GLIS1: variants seen among roughly 807,000 people sequenced by gnomAD.
GLIS1 encodes zinc finger protein GLIS1.
GLIS1 carries 24 observed loss-of-function variants against 63.8 expected under a neutral mutation model. The observed-to-expected ratio is 0.38, with a 90% CI of 0.27 to 0.53. The LOEUF (loss-of-function observed/expected upper bound fraction) is 0.53, where lower values mean the gene tolerates loss of function less well. Among genes scored for constraint, GLIS1 ranks in the 20% least tolerant of loss-of-function variants. The pLI is 0.85. For synonymous variants in GLIS1, 450 were observed against 482.5 expected (o/e 0.93, Z 0.88); for missense variants, 1,036 against 1,074.1 (o/e 0.96, Z 0.50).
chr1:53,731,503 G>C (rs536672040), intron 2 of GLIS1, among the ~76,000 whole-genome samples: 1 of 152,318 alleles, frequency 6.6e-6, no homozygotes, highest in African/African-American at 2.4e-5. Context: ...TTAAGAAGCT[G>C]GTCCTGGAGA....
chr1:53,709,414 A>ATATATATT (rs1570086674), intron 2 of GLIS1, among the ~76,000 whole-genome samples: 1 of 17,144 alleles, frequency 5.8e-5, no homozygotes, highest in Non-Finnish European at 2.6e-4. Context: ...ATATATATAC[A>ATATATATT]CACACACACA....
chr1:53,726,038 T>C (rs951050232), intron 2 of GLIS1, among the ~76,000 whole-genome samples: 1 of 152,082 alleles, frequency 6.6e-6, no homozygotes, highest in African/African-American at 2.4e-5. Flanking sequence ...CACAGTTTCA[T>C]GGGGAAGGGA....
In GLIS1 at chr1:53,639,234, C is replaced by A. The variant is rs1434787991; in HGVS notation, c.260-38956G>T. ...ACCCACATGACACTGGCCACACTCT[C>A]CAGCATTACACTAAGGGAGCTGCGG... On this transcript the variant is annotated intron_variant, in intron 2 of 10. Transcript: ENST00000628545. This position sits in a 1 kb window ranked among gnomAD's most constrained non-coding sequence, Gnocchi z 4.6. Among the ~76,000 whole-genome samples the A allele has an allele frequency of 6.6e-6, 1 of 152,166 alleles. No homozygotes were observed.
At chr1:53,653,884 G>A (rs1214904063) in intron 2 of GLIS1, among the ~76,000 whole-genome samples, 1 of 152,230 alleles carries the variant, frequency 6.6e-6, no homozygotes, top group Non-Finnish European at 1.5e-5. Context: ...AGTGGGTGAG[G>A]AGGAAGAAGT....
chr1:53,617,094 C>T (rs567131391), intron 2 of GLIS1, among the ~76,000 whole-genome samples: 4 of 152,220 alleles, frequency 2.6e-5, no homozygotes, highest in Middle Eastern at 3.4e-3. Context: ...TCAGCCTGCA[C>T]GCTCAGCCCG....
chr1:53,706,997 A>G (rs1463332420), intron 2 of GLIS1, among the ~76,000 whole-genome samples: 2 of 152,226 alleles, frequency 1.3e-5, no homozygotes, highest in Non-Finnish European at 2.9e-5. Flanking sequence ...GATTTCTCCT[A>G]TGCAGAAAGA....
Position 53,710,823 on chromosome 1 carries a change from G to A in GLIS1, c.259+26983C>T, listed in dbSNP as rs547965604. On this transcript the variant is annotated intron_variant, in intron 2 of 10. Coordinates refer to ENST00000628545, the MANE Select transcript of GLIS1 (RefSeq NM_001367484.1). ...AAGCCAGTGCCAGGCACCCTCCCACGCATGTGAATGTTCCTAAACAGAGTA... is the reference window on the plus strand; with the variant it reads ...AAGCCAGTGCCAGGCACCCTCCCACACATGTGAATGTTCCTAAACAGAGTA... 9.2e-5 allele frequency among the ~76,000 whole-genome samples: 14 copies of A among 152,292 alleles called. No homozygotes were observed. In the South Asian group the frequency reaches 2.1e-3, roughly 23 times the overall value.
chr1:53,597,205 A>C lies in GLIS1; in HGVS notation c.438-2215T>G, dbSNP rs944295954. 2.3e-4 allele frequency among the ~76,000 whole-genome samples: 34 copies of C among 147,370 alleles called. No individual in the cohort carries two copies. In the East Asian group the frequency reaches 5.1e-3, roughly 22 times the overall value. ...AAAAAAAAAAAAAAAAAAAAAAAAA[A>C]AAAAAACACTACAAAAAATTAGCCG... On this transcript the variant is annotated intron_variant, in intron 3 of 10. Coordinates refer to ENST00000628545, the MANE Select transcript of GLIS1 (RefSeq NM_001367484.1).
chr1:53,508,987 C>G, intron 10 of GLIS1, 133 bp downstream of exon 10: 2 of 874,484 alleles, frequency 2.3e-6, no homozygotes, highest in Non-Finnish European at 3.4e-6. Context: ...GCCTCTACTT[C>G]CCCCTCTGTA....
intron 4 of GLIS1, among the ~76,000 whole-genome samples, chr1:53,535,657 C>T (rs1248280799): frequency 6.6e-6 from 1 of 152,022 alleles, no homozygotes; most frequent in Non-Finnish European, 1.5e-5. Flanking sequence ...CCAGGTCTGC[C>T]CCCTTCTCTT....
At chr1:53,682,206 C>T (rs980352564) in intron 2 of GLIS1, among the ~76,000 whole-genome samples, 2 of 152,228 alleles carry the variant, frequency 1.3e-5, no homozygotes, top group African/African-American at 2.4e-5. Context: ...CACCGGACTC[C>T]GACTCCAACT....
At chr1:53,562,840 T>G (rs1321397448) in intron 4 of GLIS1, among the ~76,000 whole-genome samples, 1 of 152,184 alleles carries the variant, frequency 6.6e-6, no homozygotes, top group Non-Finnish European at 1.5e-5. Context: ...CCGTGAAAGA[T>G]CATCATCTAG....
intron 2 of GLIS1, among the ~76,000 whole-genome samples, chr1:53,637,755 T>C (rs1275567227): frequency 1.3e-5 from 2 of 152,092 alleles, no homozygotes; most frequent in Non-Finnish European, 2.9e-5. Flanking sequence ...ACTGTACCAT[T>C]GTGGGGAAAT....
intron 2 of GLIS1, among the ~76,000 whole-genome samples, chr1:53,647,975 C>T (rs533687568): frequency 9.1e-4 from 139 of 152,130 alleles, no homozygotes; most frequent in African/African-American, 3.3e-3. Flanking sequence ...AGTTCAAGAC[C>T]AATCTGGTCA....
intron 4 of GLIS1, among the ~76,000 whole-genome samples, chr1:53,531,612 C>T (rs962321905): frequency 2.6e-5 from 4 of 152,218 alleles, no homozygotes; most frequent in Admixed American, 1.3e-4. Context: ...AGAACTCAGA[C>T]ATGGGTCCTG....
At chr1:53,692,268 C>A (rs1646413569) in intron 2 of GLIS1, among the ~76,000 whole-genome samples, 1 of 152,216 alleles carries the variant, frequency 6.6e-6, no homozygotes, top group African/African-American at 2.4e-5. Flanking sequence ...GATTCAGCAT[C>A]CTGGAGCTCA....
At chr1:53,554,947 G>C (rs1644802761) in intron 4 of GLIS1, among the ~76,000 whole-genome samples, 1 of 152,220 alleles carries the variant, frequency 6.6e-6, no homozygotes, top group Admixed American at 6.5e-5. Context: ...CTCACAGGTA[G>C]GGCAGGGCAC....
chr1:53,715,988 C>G (rs1249373546), intron 2 of GLIS1, among the ~76,000 whole-genome samples: 2 of 152,124 alleles, frequency 1.3e-5, no homozygotes, highest in Non-Finnish European at 2.9e-5. Flanking sequence ...GGAGTGACCC[C>G]TGGAGAGGGC....
Position 53,508,309 on chromosome 1 carries a change from G to T in GLIS1, c.2230+811C>A, listed in dbSNP as rs377402682. 1.1e-4 allele frequency among the ~76,000 whole-genome samples: 16 copies of T among 152,342 alleles called. No individual in the cohort carries two copies. The East Asian group carries it at 2.9e-3, about 28-fold the overall frequency. ...TGTGTGGACGTGGACCCACAGGGTGGTATGTGCCCGGCTGAGGCCTCAGTG... is the reference window on the plus strand; with the variant it reads ...TGTGTGGACGTGGACCCACAGGGTGTTATGTGCCCGGCTGAGGCCTCAGTG... On this transcript the variant is annotated intron_variant, in intron 10 of 10. Transcript: ENST00000628545.
Sources: allele counts gnomAD v4.1 joint callset (sites outside exome capture counted in the v4.1 genomes callset), GRCh38; gene constraint gnomAD v4.1.1; non-coding constraint Gnocchi (gnomAD v3.1); transcripts MANE v1.5; gene names NCBI Gene and HGNC (gene_info 2026-07-23, HGNC 2026-07-21).